The following TMEM117 variants were observed in gnomAD, a reference collection of about 807,000 sequenced individuals.
TMEM117 encodes the protein transmembrane protein 117.
TMEM117 carries 27 observed loss-of-function variants against 52.4 expected under a neutral mutation model. The ratio of observed to expected loss-of-function variants is 0.51; its 90% confidence interval spans 0.38 to 0.71. The LOEUF is 0.71. TMEM117 is among the 30% of genes least tolerant of loss of function. The probability of loss-of-function intolerance (pLI) is 0.00; values close to 1 mark genes in which losing one functional copy is unlikely to be tolerated. For missense variants in TMEM117, 556 were observed against 630.5 expected (o/e 0.88, Z 1.26); for synonymous variants, 215 against 206.3 (o/e 1.04, Z -0.36).
chr12:44,028,233 A>G (rs1448583120), intron 3 of TMEM117, among the ~76,000 whole-genome samples: 1 of 150,176 alleles, frequency 6.7e-6, no homozygotes, highest in Non-Finnish European at 1.5e-5. Flanking sequence ...ATTTTTTTTT[A>G]AAGGCATTAA....
intron 2 of TMEM117, among the ~76,000 whole-genome samples, chr12:43,905,114 C>T (rs4768535): frequency 0.72 from 108,868 of 151,510 alleles, 42,141 homozygotes; most frequent in East Asian, 0.87. Context: ...TTGCACTCCA[C>T]CCTGGGCAAC....
intron 6 of TMEM117, among the ~76,000 whole-genome samples, chr12:44,368,875 C>A (rs1201640688): frequency 6.6e-6 from 1 of 151,936 alleles, no homozygotes; most frequent in Non-Finnish European, 1.5e-5. Context: ...AGAAATATGC[C>A]AATTTATATA....
intron 3 of TMEM117, chr12:44,073,541 A>C (rs560507034): frequency 6.6e-6 from 1 of 152,344 alleles, no homozygotes; most frequent in South Asian, 2.1e-4. Context: ...AGGAGACTTT[A>C]GTACAGCTGG....
chr12:44,189,340 T>C (rs939599681), intron 4 of TMEM117, among the ~76,000 whole-genome samples: 8 of 152,196 alleles, frequency 5.3e-5, no homozygotes, highest in African/African-American at 1.9e-4. Flanking sequence ...GAAAATGATA[T>C]TTCTCTCTTC....
At chr12:44,200,711 A>G (rs925222549) in intron 4 of TMEM117, among the ~76,000 whole-genome samples, 6 of 152,228 alleles carry the variant, frequency 3.9e-5, no homozygotes, top group African/African-American at 1.4e-4. Flanking sequence ...AAATGCAGTG[A>G]CGGTCAACTA....
intron 3 of TMEM117, among the ~76,000 whole-genome samples, chr12:44,111,717 T>C (rs1002652401): frequency 9.9e-5 from 14 of 141,836 alleles, no homozygotes; most frequent in African/African-American, 3.8e-4. Context: ...TAGATGTCTA[T>C]TAGGTCCGCT....
chr12:44,245,400 T>C (rs1950116195), intron 5 of TMEM117, among the ~76,000 whole-genome samples: 1 of 152,046 alleles, frequency 6.6e-6, no homozygotes, highest in Non-Finnish European at 1.5e-5. Context: ...GTTTTCAACA[T>C]ACAGATTTTT....
intron 3 of TMEM117, among the ~76,000 whole-genome samples, chr12:44,042,391 G>T: frequency 6.7e-6 from 1 of 150,090 alleles, no homozygotes. Flanking sequence ...TTATTGTGAT[G>T]GTTAACACTG....
intron 3 of TMEM117, among the ~76,000 whole-genome samples, chr12:43,974,298 C>A (rs957966946): frequency 2.6e-5 from 4 of 152,030 alleles, no homozygotes; most frequent in Non-Finnish European, 5.9e-5. Flanking sequence ...ATATTAAAGT[C>A]TTTTAAGTAT....
At chr12:44,298,842 A>G (rs1950800776) in intron 5 of TMEM117, among the ~76,000 whole-genome samples, 1 of 150,754 alleles carries the variant, frequency 6.6e-6, no homozygotes, top group Non-Finnish European at 1.5e-5. Flanking sequence ...ATCAAGTCTT[A>G]GAGATGGTGA....
chr12:43,923,672 T>A (rs1411589405), intron 2 of TMEM117, among the ~76,000 whole-genome samples: 1 of 152,206 alleles, frequency 6.6e-6, no homozygotes, highest in Non-Finnish European at 1.5e-5. Context: ...GCATATTTGG[T>A]TAAGTAAAAA....
chr12:43,989,127 T>G (rs1237011274), intron 3 of TMEM117, among the ~76,000 whole-genome samples: 1 of 152,146 alleles, frequency 6.6e-6, no homozygotes, highest in African/African-American at 2.4e-5. Flanking sequence ...CTTCTCCAAG[T>G]GCTAATAAGA....
chr12:44,044,523 G>C (rs1946850836), intron 3 of TMEM117, among the ~76,000 whole-genome samples: 1 of 152,184 alleles, frequency 6.6e-6, no homozygotes, highest in African/African-American at 2.4e-5. Context: ...TAGGGCTCAA[G>C]TAGGTCCTGA....
At chr12:44,305,302 A>C (rs1421624277) in intron 6 of TMEM117, among the ~76,000 whole-genome samples, 1 of 152,218 alleles carries the variant, frequency 6.6e-6, no homozygotes, top group African/African-American at 2.4e-5. Context: ...AAAAATTGAC[A>C]AGTGAGACCT....
chr12:43,831,343 A>G (rs563158001), upstream of TMEM117, among the ~76,000 whole-genome samples: 7 of 152,308 alleles, frequency 4.6e-5, no homozygotes, highest in East Asian at 1.3e-3. Context: ...GATTACACCT[A>G]TACTTTCCCC....
intron 1 of TMEM117, among the ~76,000 whole-genome samples, chr12:43,843,052 A>G (rs1261825850): frequency 6.6e-6 from 1 of 152,184 alleles, no homozygotes; most frequent in Non-Finnish European, 1.5e-5. Flanking sequence ...AAGTGACAGG[A>G]ATGATAATAA....
chr12:44,082,474 A>G (rs540192282), intron 3 of TMEM117, among the ~76,000 whole-genome samples: 3 of 152,024 alleles, frequency 2.0e-5, no homozygotes, highest in Admixed American at 6.6e-5. Flanking sequence ...TATTTTTATC[A>G]TAAACAAAAC....
intron 1 of TMEM117, among the ~76,000 whole-genome samples, chr12:43,839,021 A>G (rs192459260): frequency 5.9e-5 from 9 of 152,194 alleles, no homozygotes; most frequent in Non-Finnish European, 1.3e-4. Context: ...TTTCTATCTC[A>G]GGAAATGGCA....
chr12:44,017,326 CT>C (rs79007657), intron 3 of TMEM117, among the ~76,000 whole-genome samples: 16,305 of 97,070 alleles, frequency 0.17, 1,232 homozygotes, highest in African/African-American at 0.3. Flanking sequence ...TCTTTCTTTC[CT>C]TTTTTTTTTT....
Sources: gnomAD v4.1 joint callset for allele counts (sites outside exome capture counted in the v4.1 genomes callset) on GRCh38, gnomAD v4.1.1 for gene constraint, MANE v1.5 for transcripts, NCBI Gene and HGNC (gene_info 2026-07-23, HGNC 2026-07-21) for gene names.